The following QPCT variants were observed in gnomAD, a reference collection of about 807,000 sequenced individuals.
The protein encoded by QPCT is glutaminyl-peptide cyclotransferase, also known as EC.
Under a neutral mutation model 43.4 loss-of-function variants are expected in QPCT, and 44 were observed. The ratio of observed to expected loss-of-function variants is 1.01; its 90% CI spans 0.80 to 1.30. QPCT has a LOEUF of 1.30. Among genes scored for constraint, QPCT ranks in the 50% most tolerant of loss-of-function variants. QPCT has a pLI of 0.00. For missense variants in QPCT, 526 were observed against 436.5 expected (o/e 1.21, Z -1.83); for synonymous variants, 168 against 168.4 (o/e 1.00, Z 0.02).
intron 3 of QPCT, among the ~76,000 whole-genome samples, chr2:37,362,016 A>G (rs1298565367): frequency 6.6e-6 from 1 of 152,202 alleles, no homozygotes; most frequent in Admixed American, 6.5e-5. Flanking sequence ...AGGTTGCCTC[A>G]TGGGACTCAG....
Position 37,348,604 on chromosome 2 carries a change from C to A in QPCT, c.120+3753C>A, listed in dbSNP as rs139836601. Among the ~76,000 whole-genome samples, 826 of 152,298 alleles carry A rather than the reference C, an allele frequency of 5.4e-3. 6 individuals carry two copies. Among genetic ancestry groups the A allele is most frequent in the African/African-American group, 0.017 (714 of 41,562 alleles). The stretch of plus-strand genomic sequence containing the variant: ...AATTCAGTCTTTTGGAACCTCAAAA[C>A]CCTTTGCAAGCTGGGCCAACTCTAT... On this transcript the variant is annotated intron_variant, in intron 1 of 6. Transcript: ENST00000338415.
chr2:37,346,944 A>C (rs1672500204), intron 1 of QPCT, among the ~76,000 whole-genome samples: 1 of 151,658 alleles, frequency 6.6e-6, no homozygotes, highest in African/African-American at 2.4e-5. Context: ...TTTGAAATAA[A>C]GATGTTTCTC....
rs114039818 is a variant in QPCT, at chr2:37,349,606, C to G, written c.121-3183C>G. On this transcript the variant is annotated intron_variant, in intron 1 of 6. Transcript: ENST00000338415. ...ATTGGACAGTAAGCAGACAAGGAGCCACTGGTAAACAGCTTTTGACACAAC... is the reference window on the plus strand; with the variant it reads ...ATTGGACAGTAAGCAGACAAGGAGCGACTGGTAAACAGCTTTTGACACAAC... Among the ~76,000 whole-genome samples, 650 of 152,292 alleles carry G rather than the reference C, an allele frequency of 4.3e-3. 2 individuals are homozygous for G. The highest frequency in any genetic ancestry group is 0.015 in the African/African-American group (622 of 41,572).
At chr2:37,369,643 C>A in intron 4 of QPCT, 42 bp from the exon 5 acceptor site, 1 of 1,414,464 alleles carries the variant, frequency 7.1e-7, no homozygotes, top group South Asian at 1.2e-5. Context: ...ATATAAAACA[C>A]GTTTTGGTGA....
At position 37,348,063 on chromosome 2, in the gene QPCT, C is replaced by CTT. The variant is rs1227697325; in HGVS notation, c.120+3212_120+3213insTT. ...ATCTCTCTCTCTCTGCGCGCGCACGCGTGTGTGTGTGTGTGTGTGTGTGTG... is the reference window on the plus strand; with the variant it reads ...ATCTCTCTCTCTCTGCGCGCGCACGCTTGTGTGTGTGTGTGTGTGTGTGTGTG... On this transcript the variant is annotated intron_variant, in intron 1 of 6. Coordinates refer to ENST00000338415, the MANE Select transcript of QPCT (RefSeq NM_012413.4). 1.8e-3 allele frequency among the ~76,000 whole-genome samples: 268 copies of CTT among 148,488 alleles called. 2 individuals are homozygous for CTT. The highest frequency in any genetic ancestry group is 6.4e-3 in the African/African-American group (260 of 40,508).
At chr2:37,371,044 G>T (rs1451381393) in intron 5 of QPCT, among the ~76,000 whole-genome samples, 1 of 152,154 alleles carries the variant, frequency 6.6e-6, no homozygotes, top group Non-Finnish European at 1.5e-5. Flanking sequence ...CATGAGTAAA[G>T]AATTTGTCTA....
intron 2 of QPCT, among the ~76,000 whole-genome samples, chr2:37,355,167 G>A (rs1672714501): frequency 6.6e-6 from 1 of 152,130 alleles, no homozygotes; most frequent in Non-Finnish European, 1.5e-5. Context: ...GCTGGCTGAT[G>A]GCTATGTTAG....
Position 37,347,843 on chromosome 2 carries a change from G to A in QPCT, c.120+2992G>A, listed in dbSNP as rs540008066. Among the ~76,000 whole-genome samples the A allele has an allele frequency of 1.6e-4, 25 of 152,162 alleles. 1 individual carries two copies. The South Asian group carries it at 5.2e-3, about 32-fold the overall frequency. ...CTGATGGCTTTTGAGGGCTTTATAT[G>A]CTCTTTAAAAATATTAGTTTCGATA... On this transcript the variant is annotated intron_variant, in intron 1 of 6. Transcript: ENST00000338415.
intron 3 of QPCT, among the ~76,000 whole-genome samples, chr2:37,363,459 CAAA>C (rs760030748): frequency 4.2e-5 from 2 of 47,848 alleles, no homozygotes; most frequent in African/African-American, 6.0e-5. Context: ...TCCCTCTCTA[CAAA>C]AAAAAAAAAA....
At chr2:37,347,150 A>ATATATATATATATATATATATATATAT (rs1558599232) in intron 1 of QPCT, among the ~76,000 whole-genome samples, 2 of 62,846 alleles carry the variant, frequency 3.2e-5, no homozygotes, top group South Asian at 4.9e-4. Flanking sequence ...TGTTTTATAT[A>ATATATATATATATATATATATATATAT]TATATATATA....
intron 2 of QPCT, among the ~76,000 whole-genome samples, chr2:37,353,153 A>G (rs966401178): frequency 1.3e-5 from 2 of 152,224 alleles, no homozygotes; most frequent in Non-Finnish European, 2.9e-5. Context: ...TGAAATCTCT[A>G]TTTGGGGTAC....
intron 1 of QPCT, 42 bp from the exon 2 acceptor site, chr2:37,352,742 CATGTT>C: frequency 6.3e-7 from 1 of 1,594,576 alleles, no homozygotes; most frequent in Non-Finnish European, 8.6e-7. Context: ...GAGTCTTAAA[CATGTT>C]ATGAAAGGAT....
chr2:37,360,113 A>G, intron 3 of QPCT: 1 of 458,486 alleles, frequency 2.2e-6, no homozygotes, highest in Non-Finnish European at 3.9e-6. Context: ...ATTAAATGCA[A>G]CATTTCTTTG....
chr2:37,347,179 A>ATATT (rs1244639524), intron 1 of QPCT, among the ~76,000 whole-genome samples: 3 of 50,762 alleles, frequency 5.9e-5, no homozygotes, highest in African/African-American at 3.2e-4. Context: ...ATATATATAT[A>ATATT]ACATATATAT....
rs115308004 is a variant in QPCT at position 37,372,707 on chromosome 2, G to T, written c.966G>T (p.Pro322=). 5.0e-6 allele frequency: 8 copies of T among 1,613,300 alleles called. No homozygotes were observed. In the East Asian group the frequency reaches 1.3e-4, roughly 27 times the overall value. Residue 322 remains proline, a synonymous_variant, in exon 7 of 7, where the codon CCG becomes CCT. Coordinates refer to ENST00000338415, the MANE Select transcript of QPCT (RefSeq NM_012413.4). ...RRGVPVLHLI[P]SPFPEVWHTM... Reference sequence around the variant, plus strand: ...GTGTTCCAGTTCTGCATCTGATACCGTCTCCTTTCCCTGAAGTCTGGCACA... The same window carrying T: ...GTGTTCCAGTTCTGCATCTGATACCTTCTCCTTTCCCTGAAGTCTGGCACA...
In QPCT at chr2:37,364,063, T is replaced by C. The variant is rs535775116; in HGVS notation, c.547-3169T>C. On this transcript the variant is annotated intron_variant, in intron 3 of 6. Transcript: ENST00000338415. Reference sequence around the variant, plus strand: ...ACTTCTCAATAGAAACTTTGGGAGCTAGAAAACAATGAAATTATGCCTTAA... The same window carrying C: ...ACTTCTCAATAGAAACTTTGGGAGCCAGAAAACAATGAAATTATGCCTTAA... Among the ~76,000 whole-genome samples the C allele has an allele frequency of 2.6e-4, 39 of 152,232 alleles. No homozygotes were observed. In the South Asian group the frequency reaches 4.4e-3, roughly 17 times the overall value.
chr2:37,344,671 C>A lies in QPCT; in HGVS notation c.-61C>A. On this transcript the variant is annotated 5_prime_UTR_variant, in exon 1 of 7. Transcript: ENST00000338415. ...GAGAAGAGGGAAGGCGAAGGACGCG[C>A]GTTCCCGGGCTCGTGACCGCCAGCG... is the stretch of plus-strand genomic sequence containing the variant. 1 of 1,541,892 alleles carries A rather than the reference C, an allele frequency of 6.5e-7. No individual in the cohort carries two copies.
intron 5 of QPCT, 41 bp from the exon 6 acceptor site, chr2:37,372,314 AT>A: frequency 3.0e-6 from 4 of 1,344,262 alleles, no homozygotes; most frequent in Non-Finnish European, 4.3e-6. Context: ...TCTTGATAAG[AT>A]AAAAATAGTT....
At chr2:37,362,119 C>G (rs746702889) in intron 3 of QPCT, among the ~76,000 whole-genome samples, 8 of 152,220 alleles carry the variant, frequency 5.3e-5, no homozygotes, top group African/African-American at 2.4e-5. Context: ...ATTGGAGTCT[C>G]CCAGCTGTTG....
Sources: allele counts gnomAD v4.1 joint callset (sites outside exome capture counted in the v4.1 genomes callset), GRCh38; gene constraint gnomAD v4.1.1; transcripts MANE v1.5; gene names NCBI Gene and HGNC (gene_info 2026-07-23, HGNC 2026-07-21).